PRORP: variants seen among roughly 807,000 people sequenced by gnomAD.
The protein encoded by PRORP is mitochondrial ribonuclease P catalytic subunit.
A neutral mutation model predicts 59.4 loss-of-function variants in PRORP; 51 were observed. The observed-to-expected ratio is 0.86, with a 90% confidence interval of 0.69 to 1.08. The LOEUF (loss-of-function observed/expected upper bound fraction) is 1.08. Among genes scored for constraint, PRORP ranks in the 50% least tolerant of loss-of-function variants. PRORP has a pLI of 0.00. For missense variants in PRORP, 646 were observed against 690.3 expected (o/e 0.94, Z 0.72); for synonymous variants, 231 against 245.6 (o/e 0.94, Z 0.55).
chr14:35,209,833 G>A (rs111233262), intron 5 of PRORP, among the ~76,000 whole-genome samples: 9,288 of 152,246 alleles, frequency 0.061, 368 homozygotes, highest in Middle Eastern at 0.11. Context: ...ACCATGCCTG[G>A]CCTCTCTTGA....
intron 5 of PRORP, among the ~76,000 whole-genome samples, chr14:35,240,907 C>T (rs533591093): frequency 2.2e-4 from 34 of 152,220 alleles, no homozygotes; most frequent in Non-Finnish European, 4.4e-4. Flanking sequence ...GGGTTCCCCT[C>T]GCCCGTGGAT....
intron 7 of PRORP, among the ~76,000 whole-genome samples, chr14:35,271,795 C>G (rs990508293): frequency 6.6e-6 from 1 of 152,156 alleles, no homozygotes; most frequent in Non-Finnish European, 1.5e-5. Context: ...GAGGCCAAGG[C>G]AGGTGGATCA....
intron 5 of PRORP, among the ~76,000 whole-genome samples, chr14:35,229,905 CAT>C (rs201333217): frequency 0.01 from 1,530 of 152,184 alleles, 25 homozygotes; most frequent in African/African-American, 0.034. Context: ...TCAGAAATCA[CAT>C]GTTACACAAT....
At chr14:35,168,752 A>G (rs771719230) in intron 4 of PRORP, among the ~76,000 whole-genome samples, 1 of 152,164 alleles carries the variant, frequency 6.6e-6, no homozygotes, top group African/African-American at 2.4e-5. Context: ...AGGGCATTGT[A>G]TCAAGGACCC....
chr14:35,273,873 A>G lies in PRORP; in HGVS notation c.*307A>G, dbSNP rs1410839283. On this transcript the variant is annotated 3_prime_UTR_variant, in exon 8 of 8. Coordinates refer to ENST00000534898, the MANE Select transcript of PRORP (RefSeq NM_014672.4). Reference sequence around the variant, plus strand: ...TTGGGTGACTAATAGTGCTTTTGGTATCCATTTTTTGCTACTTCTGACCTT... The same window carrying G: ...TTGGGTGACTAATAGTGCTTTTGGTGTCCATTTTTTGCTACTTCTGACCTT... The G allele has an allele frequency of 3.6e-5, 7 of 195,200 alleles. No individual in the cohort carries two copies. The South Asian group carries it at 6.9e-4, about 19-fold the overall frequency. The allele number at this position is 195,200 out of a possible 1,614,324, so 12.1% of individuals were successfully genotyped here. A position where few individuals can be genotyped will look rare whatever the true frequency, so the allele number is the denominator to read the frequency against.
chr14:35,159,397 C>G (rs1425609853), intron 4 of PRORP, among the ~76,000 whole-genome samples: 2 of 152,170 alleles, frequency 1.3e-5, no homozygotes, highest in African/African-American at 4.8e-5. Context: ...TTCTGTCACA[C>G]AACCTTTTTT....
chr14:35,148,095 C>G (rs2047654543), intron 4 of PRORP, among the ~76,000 whole-genome samples: 1 of 152,200 alleles, frequency 6.6e-6, no homozygotes, highest in African/African-American at 2.4e-5. Context: ...TCTTCCAAAC[C>G]TGTTACTGTT....
chr14:35,214,092 C>T (rs1398305113), intron 5 of PRORP, among the ~76,000 whole-genome samples: 1 of 152,190 alleles, frequency 6.6e-6, no homozygotes, highest in East Asian at 1.9e-4. Context: ...CTTTATTCAT[C>T]ACTTGTCAGA....
chr14:35,181,783 C>CCAAAAAAAAAAAAAAAAAAAAAAAAAA (rs534136447), intron 5 of PRORP, among the ~76,000 whole-genome samples: 1 of 109,400 alleles, frequency 9.1e-6, no homozygotes. Context: ...AAAACTGTCT[C>CCAAAAAAAAAAAAAAAAAAAAAAAAAA]AAAAAAAAAA....
At position 35,145,619 on chromosome 14, in the gene PRORP, C is replaced by T. The variant is rs947974253; in HGVS notation, c.1167+18008C>T. Among the ~76,000 whole-genome samples, 20 of 138,956 alleles carry T rather than the reference C, an allele frequency of 1.4e-4. 1 individual carries two copies. Among genetic ancestry groups the T allele is most frequent in the African/African-American group, 5.0e-4 (20 of 40,224 alleles). The allele number at this position is 138,956 out of a possible 152,430, so 91.2% of individuals were successfully genotyped here. ...TCTGTAGTCCCAGCTACTGAGGAGG[C>T]TGAGACAGGAGAATTGCTTGGACCT... On this transcript the variant is annotated intron_variant, in intron 4 of 7. Coordinates refer to ENST00000534898, the MANE Select transcript of PRORP (RefSeq NM_014672.4).
intron 5 of PRORP, among the ~76,000 whole-genome samples, chr14:35,225,821 C>G (rs2049919401): frequency 6.6e-6 from 1 of 151,992 alleles, no homozygotes; most frequent in African/African-American, 2.4e-5. Context: ...CCAAGACAGG[C>G]AGATTGCTTG....
intron 4 of PRORP, among the ~76,000 whole-genome samples, chr14:35,163,713 C>T (rs1313396978): frequency 6.6e-6 from 1 of 152,016 alleles, no homozygotes. Context: ...CGTAAGTTGT[C>T]TGTTTACTTT....
At chr14:35,178,495 A>G (rs2048512541) in intron 4 of PRORP, among the ~76,000 whole-genome samples, 1 of 152,144 alleles carries the variant, frequency 6.6e-6, no homozygotes, top group South Asian at 2.1e-4. Flanking sequence ...ACCATTATGT[A>G]ATGGCCTTCT....
intron 4 of PRORP, among the ~76,000 whole-genome samples, chr14:35,135,445 C>T (rs1322699263): frequency 6.6e-6 from 1 of 152,140 alleles, no homozygotes; most frequent in African/African-American, 2.4e-5. Flanking sequence ...ATGTGGCCTA[C>T]AGAGCCTGAA....
intron 5 of PRORP, among the ~76,000 whole-genome samples, chr14:35,239,834 G>A (rs370434917): frequency 1.3e-5 from 2 of 152,134 alleles, no homozygotes; most frequent in Non-Finnish European, 1.5e-5. Context: ...CAGCACTTTG[G>A]GAGGCAGAGG....
At chr14:35,136,371 T>C (rs200188288) in intron 4 of PRORP, among the ~76,000 whole-genome samples, 5 of 148,628 alleles carry the variant, frequency 3.4e-5, no homozygotes, top group African/African-American at 4.9e-5. Flanking sequence ...CGGGTTTTTT[T>C]GTTTTTTTGG....
At chr14:35,227,434 A>T (rs1440803006) in intron 5 of PRORP, among the ~76,000 whole-genome samples, 1 of 151,208 alleles carries the variant, frequency 6.6e-6, no homozygotes, top group Admixed American at 6.6e-5. Context: ...ACAGAGCGAG[A>T]CTCTGTCTCA....
Position 35,273,848 on chromosome 14 carries a change from T to C in PRORP, c.*282T>C. The C allele has an allele frequency of 4.5e-6, 1 of 223,410 alleles. No individual in the cohort carries two copies. Among genetic ancestry groups the C allele is most frequent in the Non-Finnish European group, 8.8e-6 (1 of 114,210 alleles). 13.8% of individuals were successfully genotyped at this position (223,410 alleles called of 1,614,324 possible). A position where few individuals can be genotyped will look rare whatever the true frequency, so the allele number is the denominator to read the frequency against. Reference sequence around the variant, plus strand: ...TACTGGGCCAGCTATTCCACTTAGCTTGGGTGACTAATAGTGCTTTTGGTA... The same window carrying C: ...TACTGGGCCAGCTATTCCACTTAGCCTGGGTGACTAATAGTGCTTTTGGTA... On this transcript the variant is annotated 3_prime_UTR_variant, in exon 8 of 8. Transcript: ENST00000534898.
At chr14:35,135,320 G>A (rs2047346101) in intron 4 of PRORP, among the ~76,000 whole-genome samples, 1 of 152,086 alleles carries the variant, frequency 6.6e-6, no homozygotes, top group African/African-American at 2.4e-5. Context: ...TGTTAAATTG[G>A]TGTCCTTGCA....
Sources: allele counts gnomAD v4.1 joint callset (sites outside exome capture counted in the v4.1 genomes callset), GRCh38; gene constraint gnomAD v4.1.1; transcripts MANE v1.5; gene names NCBI Gene and HGNC (gene_info 2026-07-23, HGNC 2026-07-21).